The following FARS2 variants were observed in gnomAD, a reference collection of about 807,000 sequenced individuals.
The protein encoded by FARS2 is phenylalanine--tRNA ligase, mitochondrial.
FARS2 carries 40 observed loss-of-function variants against 46.4 expected under a neutral mutation model. The ratio of observed to expected loss-of-function variants is 0.86; its 90% confidence interval spans 0.67 to 1.12. The LOEUF is 1.12. Among genes scored for constraint, FARS2 ranks in the 50% most tolerant of loss-of-function variants. FARS2 has a pLI of 0.00. For synonymous variants in FARS2, 234 were observed against 214.9 expected (o/e 1.09, Z -0.78); for missense variants, 513 against 567.9 (o/e 0.90, Z 0.98).
intron 5 of FARS2, among the ~76,000 whole-genome samples, chr6:5,550,401 A>G (rs750486901): frequency 8.5e-5 from 13 of 152,160 alleles, no homozygotes; most frequent in Non-Finnish European, 1.6e-4. Flanking sequence ...AGTAGCTGGT[A>G]CTACAAGCAC....
At chr6:5,286,342 A>G (rs1176497895) in intron 1 of FARS2, among the ~76,000 whole-genome samples, 2 of 152,146 alleles carry the variant, frequency 1.3e-5, no homozygotes, top group African/African-American at 4.8e-5. Context: ...GGCTCACCTC[A>G]GCCTTGACCT....
intron 6 of FARS2, among the ~76,000 whole-genome samples, chr6:5,613,556 C>A (rs1298788603): frequency 6.6e-5 from 10 of 152,162 alleles, no homozygotes; most frequent in East Asian, 1.9e-4. Context: ...GAAACAGAAT[C>A]TTTTAAAAGT....
intron 2 of FARS2, among the ~76,000 whole-genome samples, chr6:5,391,569 TTA>T (rs1760518619): frequency 8.0e-6 from 1 of 125,186 alleles, no homozygotes; most frequent in Non-Finnish European, 1.8e-5. Context: ...TGGTCAATAG[TTA>T]TTTTTTTTTT....
chr6:5,359,681 A>T (rs1373624446), intron 1 of FARS2, among the ~76,000 whole-genome samples: 2 of 152,246 alleles, frequency 1.3e-5, no homozygotes, highest in Non-Finnish European at 2.9e-5. Context: ...ATCCAGTGCC[A>T]AACTCTTACT....
intron 6 of FARS2, among the ~76,000 whole-genome samples, chr6:5,680,739 C>CT (rs11441342): frequency 0.47 from 66,853 of 143,290 alleles, 15,429 homozygotes; most frequent in East Asian, 0.69. Flanking sequence ...CAGACGTTGT[C>CT]TTTTTTTTTT....
At chr6:5,268,317 C>G (rs140196439) in intron 1 of FARS2, among the ~76,000 whole-genome samples, 14,631 of 151,884 alleles carry the variant, frequency 0.096, 921 homozygotes, top group African/African-American at 0.18. Context: ...AGGTTTTCTT[C>G]TAGGGTTTTT....
At chr6:5,602,601 C>G (rs1265874364) in intron 5 of FARS2, among the ~76,000 whole-genome samples, 1 of 127,302 alleles carries the variant, frequency 7.9e-6, no homozygotes, top group Non-Finnish European at 1.6e-5. Flanking sequence ...GAGCCGAGAT[C>G]ATGCCACTGC....
intron 6 of FARS2, among the ~76,000 whole-genome samples, chr6:5,746,443 G>C (rs1177397945): frequency 6.6e-6 from 1 of 152,134 alleles, no homozygotes; most frequent in African/African-American, 2.4e-5. Flanking sequence ...GCAGCATTCT[G>C]TCCCCATTGT....
intron 6 of FARS2, among the ~76,000 whole-genome samples, chr6:5,768,872 C>A (rs895369212): frequency 1.3e-5 from 2 of 152,034 alleles, no homozygotes; most frequent in Admixed American, 6.6e-5. Context: ...ATTCTAGATA[C>A]AAATCCCTTA....
intron 1 of FARS2, among the ~76,000 whole-genome samples, chr6:5,324,767 C>A (rs114266369): frequency 0.023 from 3,549 of 152,220 alleles, 149 homozygotes; most frequent in African/African-American, 0.081. Flanking sequence ...GCTTGGCTGG[C>A]AGCCCCTGAG....
intron 3 of FARS2, among the ~76,000 whole-genome samples, chr6:5,430,722 A>G (rs552006658): frequency 1.2e-4 from 18 of 152,306 alleles, no homozygotes; most frequent in East Asian, 1.2e-3. Context: ...AGAAACTAAC[A>G]GAATTACTTG....
intron 2 of FARS2, among the ~76,000 whole-genome samples, chr6:5,379,367 C>T (rs188043952): frequency 1.3e-3 from 198 of 152,198 alleles, no homozygotes; most frequent in African/African-American, 4.5e-3. Flanking sequence ...ATATGGAAAC[C>T]GCACAGTAAC....
chr6:5,588,715 T>C (rs1773754747), intron 5 of FARS2, among the ~76,000 whole-genome samples: 2 of 152,214 alleles, frequency 1.3e-5, no homozygotes, highest in South Asian at 4.1e-4. Flanking sequence ...TAACCAGTAA[T>C]CACCGTTTAT....
intron 6 of FARS2, among the ~76,000 whole-genome samples, chr6:5,657,315 T>A (rs1777648160): frequency 6.6e-6 from 1 of 152,234 alleles, no homozygotes; most frequent in African/African-American, 2.4e-5. Context: ...CCTGTGAGTT[T>A]AAATTTCTCT....
chr6:5,273,842 T>G (rs1766140100), intron 1 of FARS2, among the ~76,000 whole-genome samples: 1 of 152,190 alleles, frequency 6.6e-6, no homozygotes, highest in South Asian at 2.1e-4. Flanking sequence ...TTTATTTGAT[T>G]TTTGTATATG....
At chr6:5,555,221 G>A (rs922607493) in intron 5 of FARS2, among the ~76,000 whole-genome samples, 5 of 151,944 alleles carry the variant, frequency 3.3e-5, no homozygotes, top group African/African-American at 7.3e-5. Flanking sequence ...TTCACCTCTC[G>A]TTATGATTCT....
At chr6:5,257,562 T>C (rs1764737089), upstream of FARS2, among the ~76,000 whole-genome samples, 1 of 152,178 alleles carries the variant, frequency 6.6e-6, no homozygotes, top group Non-Finnish European at 1.5e-5. Context: ...CGTGGCCTGT[T>C]AGGAACCGGG....
intron 5 of FARS2, among the ~76,000 whole-genome samples, chr6:5,546,443 G>A (rs1771008196): frequency 6.6e-6 from 1 of 151,320 alleles, no homozygotes; most frequent in African/African-American, 2.4e-5. Flanking sequence ...GTAGAGACGG[G>A]GTTTCACCAT....
intron 1 of FARS2, among the ~76,000 whole-genome samples, chr6:5,331,943 C>A (rs1179794480): frequency 6.6e-6 from 1 of 152,162 alleles, no homozygotes; most frequent in African/African-American, 2.4e-5. Context: ...AATTGGCTCC[C>A]ATTTCCTGAG....
Sources: gnomAD v4.1 joint callset for allele counts (sites outside exome capture counted in the v4.1 genomes callset) on GRCh38, gnomAD v4.1.1 for gene constraint, MANE v1.5 for transcripts, NCBI Gene and HGNC (gene_info 2026-07-23, HGNC 2026-07-21) for gene names.